The following KIAA0825 variants were observed in gnomAD, a reference collection of about 807,000 sequenced individuals.
KIAA0825 encodes KIAA0825, also known as uncharacterized protein KIAA0825.
In KIAA0825, 119 loss-of-function variants were observed where a neutral mutation model predicts 147.6. That is an observed-to-expected ratio of 0.81 (90% confidence interval 0.69 to 0.94). KIAA0825 has a LOEUF of 0.94. KIAA0825 is among the 40% of genes least tolerant of loss of function. The pLI, the probability that KIAA0825 is intolerant of heterozygous loss-of-function variation, is 0.00. For missense variants in KIAA0825, 1,381 were observed against 1,472.7 expected, an observed-to-expected ratio of 0.94 and a Z score of 1.02; for synonymous variants, 470 against 518.1, an observed-to-expected ratio of 0.91 and a Z score of 1.26.
intron 20 of KIAA0825, among the ~76,000 whole-genome samples, chr5:94,244,509 A>T (rs950749796): frequency 2.0e-5 from 3 of 151,860 alleles, no homozygotes; most frequent in Non-Finnish European, 4.4e-5. Flanking sequence ...ACTTAAAAAA[A>T]TTTTTTTCTT....
Position 94,572,100 on chromosome 5 carries a change from TA to T in KIAA0825, c.-2+10332del, listed in dbSNP as rs1161335580. ...GGCAACATAGTGAGACTCTATCTCT[TA>T]AAAAAAAAAAAAAGCCCCACAAAAA... On this transcript the variant is annotated intron_variant, in intron 2 of 20. Coordinates refer to ENST00000682413, the MANE Select transcript of KIAA0825 (RefSeq NM_001145678.3). Among the ~76,000 whole-genome samples the T allele has an allele frequency of 1.9e-3, 258 of 136,160 alleles. 1 individual carries two copies. The highest frequency in any genetic ancestry group is 5.2e-3 in the South Asian group (22 of 4,252). The allele number at this position is 136,160 out of a possible 152,430, so 89.3% of individuals were successfully genotyped here.
chr5:94,169,018 A>C (rs1418956610), intron 20 of KIAA0825, among the ~76,000 whole-genome samples: 1 of 152,170 alleles, frequency 6.6e-6, no homozygotes, highest in Non-Finnish European at 1.5e-5. Flanking sequence ...TACAAATCTA[A>C]AGTTATCAAA....
At chr5:94,250,718 A>G (rs1261223789) in intron 20 of KIAA0825, among the ~76,000 whole-genome samples, 2 of 152,220 alleles carry the variant, frequency 1.3e-5, no homozygotes. Context: ...GAGAGTTGGC[A>G]CTGCATGCAA....
chr5:94,614,443 C>G (rs991695653), intron 1 of KIAA0825, among the ~76,000 whole-genome samples: 1 of 152,172 alleles, frequency 6.6e-6, no homozygotes, highest in Non-Finnish European at 1.5e-5. Context: ...TATTGCTTAT[C>G]GTTAAAAGCC....
chr5:94,243,428 G>A (rs921732511), intron 20 of KIAA0825, among the ~76,000 whole-genome samples: 1 of 152,084 alleles, frequency 6.6e-6, no homozygotes, highest in Admixed American at 6.6e-5. Context: ...TTGTTTAAGT[G>A]GGAAGTAAGG....
chr5:94,510,503 G>A (rs1249039411), intron 5 of KIAA0825, among the ~76,000 whole-genome samples: 2 of 152,058 alleles, frequency 1.3e-5, no homozygotes, highest in Non-Finnish European at 2.9e-5. Context: ...TTTTGTTTTT[G>A]ATTGAGACAA....
intron 15 of KIAA0825, among the ~76,000 whole-genome samples, chr5:94,411,402 T>C (rs1198397173): frequency 1.3e-5 from 2 of 152,212 alleles, no homozygotes; most frequent in African/African-American, 2.4e-5. Context: ...ACTTGGTCAA[T>C]TGATTTCTGA....
chr5:94,169,987 C>T (rs1768449140), intron 20 of KIAA0825, among the ~76,000 whole-genome samples: 2 of 152,162 alleles, frequency 1.3e-5, no homozygotes, highest in Non-Finnish European at 2.9e-5. Context: ...AATGCTCTTA[C>T]CCATAAGGGT....
At chr5:94,512,219 T>C (rs973777871) in intron 5 of KIAA0825, among the ~76,000 whole-genome samples, 2 of 152,116 alleles carry the variant, frequency 1.3e-5, no homozygotes, top group East Asian at 1.9e-4. Context: ...ATCTTGCTAA[T>C]GTTTATTTGT....
intron 2 of KIAA0825, among the ~76,000 whole-genome samples, chr5:94,576,059 G>A (rs1780978713): frequency 6.6e-6 from 1 of 152,148 alleles, no homozygotes; most frequent in African/African-American, 2.4e-5. Context: ...AAGTGGAAAT[G>A]TTCAGAATAC....
At chr5:94,489,610 A>C (rs1763475931) in intron 5 of KIAA0825, among the ~76,000 whole-genome samples, 1 of 151,022 alleles carries the variant, frequency 6.6e-6, no homozygotes, top group Non-Finnish European at 1.5e-5. Context: ...TTTTGGCTAG[A>C]CATGGTGGCT....
At chr5:94,213,049 T>C (rs1173582331) in intron 20 of KIAA0825, among the ~76,000 whole-genome samples, 1 of 152,140 alleles carries the variant, frequency 6.6e-6, no homozygotes, top group Non-Finnish European at 1.5e-5. Flanking sequence ...GGTAATATCA[T>C]CCCCATTTCA....
chr5:94,507,079 T>C (rs1387648781), intron 5 of KIAA0825, among the ~76,000 whole-genome samples: 1 of 152,200 alleles, frequency 6.6e-6, no homozygotes, highest in African/African-American at 2.4e-5. Flanking sequence ...CAAAGTATCC[T>C]CTAGTCTCAA....
At chr5:94,441,868 G>T (rs569682277) in intron 13 of KIAA0825, among the ~76,000 whole-genome samples, 8 of 152,216 alleles carry the variant, frequency 5.3e-5, no homozygotes, top group African/African-American at 1.9e-4. Context: ...CCTTTAATTT[G>T]CAGCAAACAT....
At chr5:94,567,806 CA>C (rs960441705) in intron 2 of KIAA0825, 1 of 154,310 alleles carries the variant, frequency 6.5e-6, no homozygotes, top group African/African-American at 2.4e-5. Context: ...AAAATCAGCT[CA>C]ATTAGGTCTT....
At chr5:94,526,126 T>A (rs1379943363) in intron 3 of KIAA0825, among the ~76,000 whole-genome samples, 1 of 152,016 alleles carries the variant, frequency 6.6e-6, no homozygotes, top group African/African-American at 2.4e-5. Flanking sequence ...AAATAAATAT[T>A]TTCAAAATTT....
intron 14 of KIAA0825, among the ~76,000 whole-genome samples, chr5:94,436,464 T>C (rs1352144364): frequency 4.9e-4 from 74 of 152,184 alleles, no homozygotes; most frequent in Non-Finnish European, 3.2e-4. Flanking sequence ...TTCTCTGTTC[T>C]GTTCCATTGG....
chr5:94,595,840 T>G (rs1785212755), intron 1 of KIAA0825, among the ~76,000 whole-genome samples: 1 of 152,112 alleles, frequency 6.6e-6, no homozygotes, highest in Admixed American at 6.6e-5. Context: ...CACTAGATGG[T>G]CTAAATCATC....
intron 20 of KIAA0825, among the ~76,000 whole-genome samples, chr5:94,280,771 A>G (rs1255280997): frequency 6.6e-6 from 1 of 152,110 alleles, no homozygotes; most frequent in Non-Finnish European, 1.5e-5. Flanking sequence ...TTTAAATGCT[A>G]AAAAGATGAG....
Sources: allele counts gnomAD v4.1 joint callset (sites outside exome capture counted in the v4.1 genomes callset), GRCh38; gene constraint gnomAD v4.1.1; transcripts MANE v1.5; gene names NCBI Gene and HGNC (gene_info 2026-07-23, HGNC 2026-07-21).